Variants in NEGR1 observed in about 807,000 individuals in gnomAD.
NEGR1 encodes the protein IgLON family member 4.
NEGR1 carries 10 observed loss-of-function variants against 40.9 expected under a neutral mutation model. The observed-to-expected ratio is 0.24, with a 90% CI of 0.15 to 0.42. The LOEUF (loss-of-function observed/expected upper bound fraction) is 0.42. Among genes scored for constraint, NEGR1 ranks in the 10% least tolerant of loss-of-function variants. The pLI is 1.00. For synonymous variants in NEGR1, 185 were observed against 166.8 expected (o/e 1.11, Z -0.84); for missense variants, 352 against 438.9 (o/e 0.80, Z 1.77).
intron 6 of NEGR1, among the ~76,000 whole-genome samples, chr1:71,505,034 C>T (rs941717226): frequency 3.3e-5 from 5 of 151,996 alleles, no homozygotes; most frequent in Admixed American, 3.3e-4. Context: ...ACTAAAACAA[C>T]CAGGACAAGT....
chr1:72,172,913 T>C (rs985112072), intron 1 of NEGR1, among the ~76,000 whole-genome samples: 2 of 152,152 alleles, frequency 1.3e-5, no homozygotes, highest in Non-Finnish European at 2.9e-5. Context: ...TTCTCTTCTA[T>C]GTCTCTCTTC....
At chr1:71,601,429 A>T (rs1649915900) in intron 5 of NEGR1, among the ~76,000 whole-genome samples, 1 of 152,242 alleles carries the variant, frequency 6.6e-6, no homozygotes, top group Non-Finnish European at 1.5e-5. Flanking sequence ...AAATAAATAA[A>T]AGCAGAGCTA....
chr1:71,483,587 T>C (rs1569930143), intron 6 of NEGR1, among the ~76,000 whole-genome samples: 1 of 140,314 alleles, frequency 7.1e-6, no homozygotes, highest in Admixed American at 6.8e-5. Flanking sequence ...TTTTAAGTCA[T>C]ATGTGGCTCA....
intron 1 of NEGR1, among the ~76,000 whole-genome samples, chr1:72,274,030 T>C (rs189663266): frequency 6.6e-6 from 1 of 151,766 alleles, no homozygotes; most frequent in East Asian, 1.9e-4. Context: ...AATTTGGCTT[T>C]ATTTTGCAGT....
At chr1:71,519,538 A>T (rs1396455510) in intron 6 of NEGR1, among the ~76,000 whole-genome samples, 1 of 98,070 alleles carries the variant, frequency 1.0e-5, no homozygotes, top group Admixed American at 1.1e-4. Flanking sequence ...ATGAGATCAC[A>T]TGGACACAGG....
At chr1:71,422,639 G>GAAGA (rs756941859) in intron 6 of NEGR1, 2 of 152,176 alleles carry the variant, frequency 1.3e-5, no homozygotes, top group African/African-American at 2.4e-5. Context: ...GAAAAGAACT[G>GAAGA]AAGAAAGGCC....
intron 1 of NEGR1, among the ~76,000 whole-genome samples, chr1:72,179,232 T>C (rs1235401832): frequency 1.3e-5 from 2 of 152,086 alleles, no homozygotes; most frequent in African/African-American, 2.4e-5. Flanking sequence ...CTTAGTCAGT[T>C]ATCCCAGCAG....
At chr1:71,507,091 T>TA (rs1249171032) in intron 6 of NEGR1, among the ~76,000 whole-genome samples, 1 of 152,224 alleles carries the variant, frequency 6.6e-6, no homozygotes, top group Non-Finnish European at 1.5e-5. Context: ...AAACAGGTCT[T>TA]AAAAAGTCTC....
At chr1:71,937,444 T>C (rs1645916094) in intron 1 of NEGR1, among the ~76,000 whole-genome samples, 1 of 152,222 alleles carries the variant, frequency 6.6e-6, no homozygotes, top group African/African-American at 2.4e-5. Context: ...CAAGTGTTTC[T>C]GTGTGACCAC....
chr1:72,078,536 T>A (rs1647847017), intron 1 of NEGR1, among the ~76,000 whole-genome samples: 1 of 151,688 alleles, frequency 6.6e-6, no homozygotes, highest in Non-Finnish European at 1.5e-5. Context: ...GTGGGAAGAA[T>A]ATGTATTACA....
chr1:71,414,477 T>A (rs1426715625), intron 6 of NEGR1, among the ~76,000 whole-genome samples: 2 of 152,170 alleles, frequency 1.3e-5, no homozygotes, highest in African/African-American at 4.8e-5. Flanking sequence ...TATATAAATT[T>A]GGATTATAGT....
At chr1:71,573,500 C>G (rs967391030) in intron 6 of NEGR1, 2 of 152,136 alleles carry the variant, frequency 1.3e-5, no homozygotes, top group Admixed American at 6.5e-5. Context: ...GCTGATCCTA[C>G]AGACTTCAAC....
intron 1 of NEGR1, among the ~76,000 whole-genome samples, chr1:72,099,759 T>C (rs1316936370): frequency 2.0e-5 from 3 of 151,986 alleles, no homozygotes; most frequent in Non-Finnish European, 2.9e-5. Context: ...AAATAGATTT[T>C]ATTTTAAACA....
At chr1:71,528,028 A>C (rs1343851138) in intron 6 of NEGR1, among the ~76,000 whole-genome samples, 1 of 151,250 alleles carries the variant, frequency 6.6e-6, no homozygotes, top group Non-Finnish European at 1.5e-5. Flanking sequence ...TTCTGTATTC[A>C]TTTTTTTGGT....
chr1:71,685,181 G>A (rs1652988633), intron 4 of NEGR1, among the ~76,000 whole-genome samples: 1 of 151,814 alleles, frequency 6.6e-6, no homozygotes, highest in Non-Finnish European at 1.5e-5. Context: ...TATACTTCAT[G>A]GATTTCTCTT....
chr1:72,077,062 T>C (rs1158453938), intron 1 of NEGR1, among the ~76,000 whole-genome samples: 2 of 152,004 alleles, frequency 1.3e-5, no homozygotes, highest in African/African-American at 4.8e-5. Context: ...GCCCGTCTAA[T>C]TTTTGTATTT....
chr1:71,507,229 A>C (rs2101410362), intron 6 of NEGR1, among the ~76,000 whole-genome samples: 1 of 152,372 alleles, frequency 6.6e-6, no homozygotes, highest in Admixed American at 6.5e-5. Flanking sequence ...AAATTAGACT[A>C]TTTAGCCTGA....
At chr1:71,856,569 T>G (rs2101818339) in intron 2 of NEGR1, among the ~76,000 whole-genome samples, 1 of 152,182 alleles carries the variant, frequency 6.6e-6, no homozygotes. Context: ...CTAACAGCTC[T>G]TGGCATAGGT....
In NEGR1 at chr1:71,635,920, T is replaced by C. The variant is rs373618595; in HGVS notation, c.668-24774A>G. 3.9e-4 allele frequency among the ~76,000 whole-genome samples: 59 copies of C among 152,152 alleles called. No individual in the cohort carries two copies. In the East Asian group the frequency reaches 0.011, roughly 29 times the overall value. ...ATTTTGTCATATTTTAGGTTCTTGA[T>C]CTGGGATAACTATCATTTTATAAAA... On this transcript the variant is annotated intron_variant, in intron 4 of 6. Transcript: ENST00000357731.
Sources: gnomAD v4.1 joint callset for allele counts (sites outside exome capture counted in the v4.1 genomes callset) on GRCh38, gnomAD v4.1.1 for gene constraint, MANE v1.5 for transcripts, NCBI Gene and HGNC (gene_info 2026-07-23, HGNC 2026-07-21) for gene names.